The following CNTN6 variants were observed in gnomAD, a reference collection of about 807,000 sequenced individuals.
The protein encoded by CNTN6 is contactin-6.
A neutral mutation model predicts 122.8 loss-of-function variants in CNTN6; 137 were observed. The ratio of observed to expected loss-of-function variants is 1.12; its 90% confidence interval spans 0.97 to 1.29. The LOEUF (loss-of-function observed/expected upper bound fraction) is 1.29, where lower values mean the gene tolerates loss of function less well. Among genes scored for constraint, CNTN6 ranks in the 50% most tolerant of loss-of-function variants. CNTN6 has a pLI of 0.00. For synonymous variants in CNTN6, 570 were observed against 426.0 expected (o/e 1.34, Z -4.16); for missense variants, 1,634 against 1,223.4 (o/e 1.34, Z -5.01).
At chr3:1,094,230 A>G (rs532808471) in intron 1 of CNTN6, among the ~76,000 whole-genome samples, 18 of 152,208 alleles carry the variant, frequency 1.2e-4, no homozygotes, top group Non-Finnish European at 1.0e-4. Flanking sequence ...TGTGCATTGT[A>G]TTTTATAAGG....
chr3:1,349,643 C>G lies in CNTN6; in HGVS notation c.1365-2681C>G, dbSNP rs147832293. The stretch of plus-strand genomic sequence containing the variant: ...TGCCAATTGCTCAGTGCCATTTGAT[C>G]TTCACTGAGTGTTCCTTCTTTTGGC... On this transcript the variant is annotated intron_variant, in intron 11 of 22. Transcript: ENST00000446702. Among the ~76,000 whole-genome samples the G allele has an allele frequency of 3.5e-3, 533 of 151,928 alleles. 5 individuals are homozygous for G. The highest frequency in any genetic ancestry group is 0.012 in the African/African-American group (500 of 41,534).
At chr3:1,271,469 A>C (rs2095025638) in intron 4 of CNTN6, among the ~76,000 whole-genome samples, 1 of 152,210 alleles carries the variant, frequency 6.6e-6, no homozygotes, top group Admixed American at 6.5e-5. Context: ...TATATCAGTA[A>C]GGCTGACACA....
At chr3:1,376,235 T>G (rs768663491) in intron 16 of CNTN6, among the ~76,000 whole-genome samples, 9 of 152,138 alleles carry the variant, frequency 5.9e-5, no homozygotes, top group Non-Finnish European at 8.8e-5. Context: ...CAATACCATA[T>G]ACACACTCAG....
chr3:1,212,499 G>A (rs78968799), intron 2 of CNTN6, among the ~76,000 whole-genome samples: 6 of 140,748 alleles, frequency 4.3e-5, no homozygotes, highest in Admixed American at 1.5e-4. Flanking sequence ...ATATATACAT[G>A]TGTGTATATA....
intron 4 of CNTN6, among the ~76,000 whole-genome samples, chr3:1,245,108 C>T (rs2094542225): frequency 2.1e-5 from 3 of 144,060 alleles, no homozygotes; most frequent in African/African-American, 7.8e-5. Context: ...TCTTTGCACA[C>T]ACGTGTTTAT....
intron 17 of CNTN6, among the ~76,000 whole-genome samples, chr3:1,377,591 G>C (rs1388614846): frequency 6.6e-6 from 1 of 152,106 alleles, no homozygotes; most frequent in East Asian, 1.9e-4. Context: ...TTTCAGTCTG[G>C]TGTGTACACT....
chr3:1,235,301 A>G (rs2094407136), intron 4 of CNTN6, among the ~76,000 whole-genome samples: 1 of 152,194 alleles, frequency 6.6e-6, no homozygotes, highest in Admixed American at 6.5e-5. Flanking sequence ...ATGCTTGTTT[A>G]TTACTCATGT....
intron 7 of CNTN6, among the ~76,000 whole-genome samples, chr3:1,300,503 G>GA: frequency 1.6e-5 from 2 of 121,408 alleles, no homozygotes; most frequent in African/African-American, 3.7e-5. Flanking sequence ...AAAAAGAAAA[G>GA]AAAGAGAAAG....
rs559261264 is a variant in CNTN6, at chr3:1,289,303, A to C, written c.455-6298A>C. On this transcript the variant is annotated intron_variant, in intron 5 of 22. Coordinates refer to ENST00000446702, the MANE Select transcript of CNTN6 (RefSeq NM_001289080.2). ...TCAGATGACTGGGAGGAGCCAGCCCATGGGGAGAAGGGAGCAGGGCAGGGT... is the reference window on the plus strand; with the variant it reads ...TCAGATGACTGGGAGGAGCCAGCCCCTGGGGAGAAGGGAGCAGGGCAGGGT... Among the ~76,000 whole-genome samples, 15 of 152,282 alleles carry C rather than the reference A, an allele frequency of 9.9e-5. No individual in the cohort carries two copies. The East Asian group carries it at 2.7e-3, about 28-fold the overall frequency.
chr3:1,261,085 A>G lies in CNTN6; in HGVS notation c.359-17328A>G, dbSNP rs138403838. Among the ~76,000 whole-genome samples the G allele has an allele frequency of 2.9e-3, 446 of 152,288 alleles. 2 individuals carry two copies. The highest frequency in any genetic ancestry group is 0.01 in the African/African-American group (421 of 41,562). ...GAAACATTGGTTTGCCACCAGTGGA[A>G]ACTAACCAGTCTTGTCTGTTTAGTT... is the stretch of plus-strand genomic sequence containing the variant. On this transcript the variant is annotated intron_variant, in intron 4 of 22. Transcript: ENST00000446702.
chr3:1,197,226 T>C, intron 2 of CNTN6, among the ~76,000 whole-genome samples: 1 of 152,174 alleles, frequency 6.6e-6, no homozygotes, highest in African/African-American at 2.4e-5. Flanking sequence ...CTCTCACCCA[T>C]CTGCAAAGCA....
chr3:1,145,504 T>G (rs565918728), intron 1 of CNTN6, among the ~76,000 whole-genome samples: 1 of 152,020 alleles, frequency 6.6e-6, no homozygotes, highest in African/African-American at 2.4e-5. Flanking sequence ...GGTAAAAAAA[T>G]AATGAATATC....
At chr3:1,282,983 T>C (rs1470847181) in intron 5 of CNTN6, among the ~76,000 whole-genome samples, 1 of 151,950 alleles carries the variant, frequency 6.6e-6, no homozygotes, top group Non-Finnish European at 1.5e-5. Flanking sequence ...ACAAAACTCT[T>C]TTTTTTTGAG....
At chr3:1,146,725 T>G (rs1368808369) in intron 1 of CNTN6, among the ~76,000 whole-genome samples, 1 of 152,052 alleles carries the variant, frequency 6.6e-6, no homozygotes, top group African/African-American at 2.4e-5. Context: ...TTGCAAAGAA[T>G]GTGATTATAT....
chr3:1,329,725 C>T, intron 10 of CNTN6, 60 bp from the exon 11 acceptor site: 1 of 1,435,142 alleles, frequency 7.0e-7, no homozygotes, highest in South Asian at 1.3e-5. Context: ...CAAGTCACCC[C>T]TGGAGTCACT....
At chr3:1,198,480 T>C (rs1399005798) in intron 2 of CNTN6, among the ~76,000 whole-genome samples, 1 of 152,136 alleles carries the variant, frequency 6.6e-6, no homozygotes, top group African/African-American at 2.4e-5. Flanking sequence ...CTCAGGGCTT[T>C]GGGTGGCCAA....
At chr3:1,142,771 C>T (rs1171462513) in intron 1 of CNTN6, among the ~76,000 whole-genome samples, 1 of 151,750 alleles carries the variant, frequency 6.6e-6, no homozygotes, top group South Asian at 2.1e-4. Flanking sequence ...AGGCAAAGAG[C>T]CAGATTTGGT....
intron 1 of CNTN6, among the ~76,000 whole-genome samples, chr3:1,095,195 G>A (rs780574001): frequency 7.2e-5 from 11 of 151,994 alleles, no homozygotes; most frequent in African/African-American, 2.2e-4. Context: ...AATATTGGCC[G>A]CGCGCGGTGG....
At chr3:1,325,745 C>G in intron 8 of CNTN6, 70 bp from the exon 9 acceptor site, 1 of 1,543,108 alleles carries the variant, frequency 6.5e-7, no homozygotes, top group East Asian at 2.3e-5. Flanking sequence ...CTCTACAGCC[C>G]TTGTAATGTA....
Sources: gnomAD v4.1 joint callset for allele counts (sites outside exome capture counted in the v4.1 genomes callset) on GRCh38, gnomAD v4.1.1 for gene constraint, MANE v1.5 for transcripts, NCBI Gene and HGNC (gene_info 2026-07-23, HGNC 2026-07-21) for gene names.